TPRG1: variants seen among roughly 807,000 people sequenced by gnomAD.
TPRG1 encodes the protein tumor protein p63-regulated gene 1 protein.
In TPRG1, 29 loss-of-function variants were observed where a neutral mutation model predicts 29.3. The observed-to-expected ratio is 0.99, with a 90% confidence interval of 0.74 to 1.35. The LOEUF (loss-of-function observed/expected upper bound fraction) is 1.35, where lower values mean the gene tolerates loss of function less well. TPRG1 is among the 40% of genes most tolerant of loss of function. The pLI is 0.00. For synonymous variants in TPRG1, 130 were observed against 116.8 expected, an observed-to-expected ratio of 1.11 and a Z score of -0.73; for missense variants, 327 against 335.0, an observed-to-expected ratio of 0.98 and a Z score of 0.19.
At chr3:189,249,928 A>T (rs1741902381) in intron 4 of TPRG1, among the ~76,000 whole-genome samples, 1 of 152,124 alleles carries the variant, frequency 6.6e-6, no homozygotes, top group African/African-American at 2.4e-5. Context: ...CTTCCAGTTT[A>T]TGTGCCATCT....
chr3:189,045,528 C>T (rs952394911), intron 4 of TPRG1, among the ~76,000 whole-genome samples: 1 of 152,208 alleles, frequency 6.6e-6, no homozygotes, highest in Non-Finnish European at 1.5e-5. Context: ...GAACAGGTTA[C>T]TTGATCTGTC....
At chr3:189,103,592 C>T (rs996203099) in intron 1 of TPRG1, among the ~76,000 whole-genome samples, 3 of 152,170 alleles carry the variant, frequency 2.0e-5, no homozygotes, top group Admixed American at 6.5e-5. Flanking sequence ...TTTTGGCTTA[C>T]ATGCCTAACA....
At chr3:189,247,315 A>T (rs1741509944) in intron 4 of TPRG1, among the ~76,000 whole-genome samples, 1 of 151,924 alleles carries the variant, frequency 6.6e-6, no homozygotes, top group Non-Finnish European at 1.5e-5. Context: ...GTAGTTCTTT[A>T]GTATAGGTTT....
intron 1 of TPRG1, among the ~76,000 whole-genome samples, chr3:189,178,039 T>C (rs1168256768): frequency 2.0e-5 from 3 of 151,610 alleles, no homozygotes; most frequent in Admixed American, 6.6e-5. Context: ...AGAGGTGGAG[T>C]TGGATGATGC....
intron 3 of TPRG1, among the ~76,000 whole-genome samples, chr3:189,231,975 T>TGTGTGTGTGTGTGTGTGTGTG (rs1553927561): frequency 1.9e-5 from 2 of 107,696 alleles, no homozygotes; most frequent in Admixed American, 9.4e-5. Flanking sequence ...GTGTGTGTGT[T>TGTGTGTGTGTGTGTGTGTGTG]TGGGTGTATA....
At chr3:189,001,185 T>G (rs1055338217) in intron 2 of TPRG1, among the ~76,000 whole-genome samples, 2 of 152,176 alleles carry the variant, frequency 1.3e-5, no homozygotes, top group South Asian at 4.1e-4. Flanking sequence ...AGACATGTAT[T>G]CATTCACTCT....
intron 4 of TPRG1, among the ~76,000 whole-genome samples, chr3:189,301,284 G>A (rs1355796396): frequency 1.7e-5 from 2 of 115,408 alleles, no homozygotes; most frequent in Non-Finnish European, 3.3e-5. Context: ...GGGTGACAGA[G>A]TGAGACTCCA....
intron 4 of TPRG1, among the ~76,000 whole-genome samples, chr3:189,306,858 G>T (rs991501768): frequency 6.6e-6 from 1 of 152,116 alleles, no homozygotes; most frequent in African/African-American, 2.4e-5. Flanking sequence ...GAAAGGTGGT[G>T]TGAAATGCCC....
intron 1 of TPRG1, among the ~76,000 whole-genome samples, chr3:189,194,123 T>A (rs755423107): frequency 2.2e-4 from 34 of 151,994 alleles, no homozygotes; most frequent in South Asian, 1.7e-3. Flanking sequence ...AAGGGTGTAG[T>A]GACCGTTTTT....
intron 4 of TPRG1, among the ~76,000 whole-genome samples, chr3:189,082,097 G>A (rs775872718): frequency 6.6e-6 from 1 of 152,198 alleles, no homozygotes; most frequent in Admixed American, 6.5e-5. Context: ...TCTTGCTGAG[G>A]TGGAAACTAT....
In TPRG1 at chr3:189,321,956, C is replaced by G. The variant is rs1444828767; in HGVS notation, c.*1136C>G. The G allele has an allele frequency of 1.3e-5, 2 of 152,092 alleles. No individual in the cohort carries two copies. The highest frequency in any genetic ancestry group is 2.9e-5 in the Non-Finnish European group (2 of 67,990). 9.4% of individuals were successfully genotyped at this position (152,092 alleles called of 1,614,324 possible). A position where few individuals can be genotyped will look rare whatever the true frequency, so the allele number is the denominator to read the frequency against. On this transcript the variant is annotated 3_prime_UTR_variant, in exon 6 of 6. Coordinates refer to ENST00000345063, the MANE Select transcript of TPRG1 (RefSeq NM_198485.4). The stretch of plus-strand genomic sequence containing the variant: ...CACTCTATTGTCATTGCTCTTTTCC[C>G]TCTTATTTCCTCTTTGTCTCTTCCC...
intron 5 of TPRG1, among the ~76,000 whole-genome samples, chr3:189,165,217 A>C (rs1418087742): frequency 6.6e-6 from 1 of 151,952 alleles, no homozygotes. Context: ...TGGGTCATTC[A>C]TGTACAGATT....
intron 5 of TPRG1, among the ~76,000 whole-genome samples, chr3:189,314,235 G>T (rs920512806): frequency 6.6e-6 from 1 of 152,100 alleles, no homozygotes; most frequent in African/African-American, 2.4e-5. Flanking sequence ...GGGTAGGGTT[G>T]GTTGTCAGGC....
At chr3:189,219,561 CT>C (rs1385823248) in intron 3 of TPRG1, 2 of 1,242,102 alleles carry the variant, frequency 1.6e-6, no homozygotes, top group Admixed American at 2.9e-5. Context: ...TATGTGTTTG[CT>C]TTTAGAACGG....
intron 3 of TPRG1, among the ~76,000 whole-genome samples, chr3:189,221,567 G>T (rs1736940224): frequency 6.6e-6 from 1 of 152,228 alleles, no homozygotes; most frequent in African/African-American, 2.4e-5. Flanking sequence ...AAGTGGAAGT[G>T]TGAAGGGCAT....
rs138975624 is a variant in TPRG1 at position 189,003,917 on chromosome 3, G to C, written c.-877-626G>C. Among the ~76,000 whole-genome samples the C allele has an allele frequency of 5.9e-5, 9 of 152,064 alleles. No individual in the cohort carries two copies. In the East Asian group the frequency reaches 1.7e-3, roughly 29 times the overall value. Reference sequence around the variant, plus strand: ...AATTCCTTCTCTTGGGGGTAGTGGGGGATTTATACCATAGGGCTGAGAATC... The same window carrying C: ...AATTCCTTCTCTTGGGGGTAGTGGGCGATTTATACCATAGGGCTGAGAATC... On this transcript the variant is annotated intron_variant, in intron 2 of 10. Coordinates refer to the TPRG1 transcript ENST00000433971.
chr3:189,003,794 G>T (rs710503), intron 2 of TPRG1, among the ~76,000 whole-genome samples: 120,836 of 152,012 alleles, frequency 0.79, 52,095 homozygotes, highest in Non-Finnish European at 0.95. Context: ...TATGCCAGAG[G>T]GTACCATGGT....
At chr3:189,153,004 T>G (rs918883006) in intron 5 of TPRG1, among the ~76,000 whole-genome samples, 15 of 152,236 alleles carry the variant, frequency 9.9e-5, no homozygotes, top group Admixed American at 2.6e-4. Flanking sequence ...TAGTTTCACG[T>G]GTGTCTTAGA....
intron 4 of TPRG1, among the ~76,000 whole-genome samples, chr3:189,253,185 T>C (rs997233339): frequency 1.3e-5 from 2 of 152,156 alleles, no homozygotes; most frequent in Non-Finnish European, 2.9e-5. Context: ...CTTAATGCTA[T>C]CCCTCCTCAG....
Sources: gnomAD v4.1 joint callset for allele counts (sites outside exome capture counted in the v4.1 genomes callset) on GRCh38, gnomAD v4.1.1 for gene constraint, MANE v1.5 for transcripts, NCBI Gene and HGNC (gene_info 2026-07-23, HGNC 2026-07-21) for gene names.